Variants in NUDCD1 observed in about 807,000 individuals in gnomAD.
NUDCD1 encodes the protein nudC domain-containing protein 1.
In NUDCD1, 60 loss-of-function variants were observed where a neutral mutation model predicts 67.8. The observed-to-expected ratio is 0.88, with a 90% CI of 0.72 to 1.10. The LOEUF (loss-of-function observed/expected upper bound fraction) is 1.10, where lower values mean the gene tolerates loss of function less well. Ranked by LOEUF, NUDCD1 falls within the 50% of genes least tolerant of loss-of-function variation. The pLI, the probability that NUDCD1 is intolerant of heterozygous loss-of-function variation, is 0.00. For missense variants in NUDCD1, 643 were observed against 695.0 expected (o/e 0.93, Z 0.84); for synonymous variants, 244 against 230.8 (o/e 1.06, Z -0.52).
At chr8:109,245,705 G>T (rs920391736) in intron 8 of NUDCD1, among the ~76,000 whole-genome samples, 6 of 152,258 alleles carry the variant, frequency 3.9e-5, no homozygotes, top group Admixed American at 3.9e-4. Context: ...GTAACTTGTC[G>T]ATGGTCAGCC....
chr8:109,316,795 G>A (rs1009423763), intron 2 of NUDCD1, among the ~76,000 whole-genome samples: 1 of 152,190 alleles, frequency 6.6e-6, no homozygotes, highest in African/African-American at 2.4e-5. Context: ...CAGGTTCCCA[G>A]TCCATGACCA....
intron 9 of NUDCD1, 62 bp from the exon 10 acceptor site, chr8:109,243,363 T>A: frequency 7.7e-7 from 1 of 1,306,662 alleles, no homozygotes; most frequent in Non-Finnish European, 1.1e-6. Flanking sequence ...GGAAAAATGA[T>A]GATTTAACAT....
At chr8:109,311,872 A>T (rs1378610018) in intron 2 of NUDCD1, among the ~76,000 whole-genome samples, 1 of 152,094 alleles carries the variant, frequency 6.6e-6, no homozygotes, top group African/African-American at 2.4e-5. Flanking sequence ...AAAATCTCAC[A>T]AATCACCGTT....
chr8:109,276,625 A>G (rs1248016666), intron 6 of NUDCD1, among the ~76,000 whole-genome samples: 1 of 152,162 alleles, frequency 6.6e-6, no homozygotes, highest in African/African-American at 2.4e-5. Flanking sequence ...TAGCACTGAA[A>G]ATTACTCCCA....
rs1397144179 is a variant in NUDCD1, at chr8:109,242,403, G to A, written c.*606C>T. 2.9e-6 allele frequency: 1 copy of A among 341,878 alleles called. No individual in the cohort carries two copies. Among genetic ancestry groups the A allele is most frequent in the Non-Finnish European group, 5.2e-6 (1 of 191,228 alleles). 21.2% of individuals were successfully genotyped at this position (341,878 alleles called of 1,614,324 possible). A position where few individuals can be genotyped will look rare whatever the true frequency, so the allele number is the denominator to read the frequency against. ...GTTTTGGTGTGGTTTGTTATGCAGT[G>A]ATGGATAATGTGAAATCTTATCTCT... is the stretch of plus-strand genomic sequence containing the variant. On this transcript the variant is annotated 3_prime_UTR_variant, in exon 10 of 10. Coordinates refer to ENST00000239690, the MANE Select transcript of NUDCD1 (RefSeq NM_032869.4).
chr8:109,254,511 A>G (rs1813685436), intron 8 of NUDCD1, among the ~76,000 whole-genome samples: 2 of 152,080 alleles, frequency 1.3e-5, no homozygotes, highest in South Asian at 4.1e-4. Flanking sequence ...ATAAAAACCA[A>G]CTCTAAACTC....
At chr8:109,272,864 C>T (rs1425943262) in intron 7 of NUDCD1, among the ~76,000 whole-genome samples, 4 of 152,130 alleles carry the variant, frequency 2.6e-5, no homozygotes, top group East Asian at 3.9e-4. Flanking sequence ...GTAAAGGCAC[C>T]GCCAACAATC....
intron 2 of NUDCD1, among the ~76,000 whole-genome samples, chr8:109,301,290 G>C (rs755091810): frequency 1.3e-5 from 2 of 151,930 alleles, no homozygotes; most frequent in Non-Finnish European, 2.9e-5. Flanking sequence ...TTCTCCCCCC[G>C]CCCTTAAGAA....
chr8:109,263,109 G>A (rs1186112580), intron 8 of NUDCD1, among the ~76,000 whole-genome samples: 2 of 134,698 alleles, frequency 1.5e-5, no homozygotes, highest in Admixed American at 8.1e-5. Context: ...TCTCTAGAAC[G>A]CACCTTCATT....
chr8:109,266,611 C>A (rs566989293), intron 8 of NUDCD1, among the ~76,000 whole-genome samples: 1 of 151,950 alleles, frequency 6.6e-6, no homozygotes, highest in Non-Finnish European at 1.5e-5. Context: ...TATATTTATA[C>A]CACATTTCAA....
intron 5 of NUDCD1, among the ~76,000 whole-genome samples, chr8:109,283,999 A>C (rs1475279512): frequency 2.0e-5 from 3 of 150,798 alleles, no homozygotes; most frequent in Non-Finnish European, 3.0e-5. Context: ...TAAAAAAAAA[A>C]AAAAAAAACA....
intron 2 of NUDCD1, among the ~76,000 whole-genome samples, chr8:109,321,115 G>T (rs1815523310): frequency 6.6e-6 from 1 of 152,142 alleles, no homozygotes; most frequent in African/African-American, 2.4e-5. Context: ...AATATTAAAA[G>T]AATTTTAGCA....
At chr8:109,325,960 G>C (rs1586314383) in intron 1 of NUDCD1, among the ~76,000 whole-genome samples, 1 of 152,144 alleles carries the variant, frequency 6.6e-6, no homozygotes, top group Non-Finnish European at 1.5e-5. Context: ...AGAGGTTGAG[G>C]AAACATATAA....
intron 2 of NUDCD1, among the ~76,000 whole-genome samples, chr8:109,305,226 C>T (rs1022768494): frequency 1.3e-5 from 2 of 152,212 alleles, no homozygotes; most frequent in Non-Finnish European, 2.9e-5. Context: ...AACTAAAATA[C>T]CTCTTGGTCT....
intron 8 of NUDCD1, among the ~76,000 whole-genome samples, chr8:109,247,325 C>A (rs1461284640): frequency 6.6e-6 from 1 of 152,040 alleles, no homozygotes; most frequent in Non-Finnish European, 1.5e-5. Context: ...CTTTCATGAG[C>A]CAAGTGCCTA....
chr8:109,269,576 T>C (rs1455097641), intron 8 of NUDCD1, among the ~76,000 whole-genome samples: 1 of 152,176 alleles, frequency 6.6e-6, no homozygotes, highest in Non-Finnish European at 1.5e-5. Context: ...TGAATTCTGC[T>C]AGAATACACT....
intron 3 of NUDCD1, among the ~76,000 whole-genome samples, chr8:109,294,964 C>T (rs958573218): frequency 2.0e-5 from 3 of 151,978 alleles, no homozygotes; most frequent in African/African-American, 7.2e-5. Context: ...TCAATTAATC[C>T]CCAAGTCTCC....
At position 109,333,972 on chromosome 8, in the gene NUDCD1, T is replaced by C. The variant is rs200931083; in HGVS notation, c.39A>G (p.Arg13=). ...CCTCGAAGCGGGGATCCAACAGAGG[T>C]CTCTTCACCCGTAGGGAGCAATTAG... The part of the protein sequence containing the change: ...VAANCSLRVK[R]PLLDPRFEGY... Residue 13 remains arginine (R), a synonymous_variant, in exon 1 of 10, where the codon AGA becomes AGG. Transcript: ENST00000239690. The C allele has an allele frequency of 7.3e-5, 118 of 1,613,758 alleles. No homozygotes were observed. Among genetic ancestry groups the C allele is most frequent in the Non-Finnish European group, 9.6e-5 (113 of 1,179,852 alleles).
chr8:109,280,484 T>C (rs1026211124), intron 6 of NUDCD1, among the ~76,000 whole-genome samples: 1 of 152,184 alleles, frequency 6.6e-6, no homozygotes, highest in Non-Finnish European at 1.5e-5. Context: ...GGAAAAAGTA[T>C]GTGTCATGCT....
Sources: allele counts gnomAD v4.1 joint callset (sites outside exome capture counted in the v4.1 genomes callset), GRCh38; gene constraint gnomAD v4.1.1; transcripts MANE v1.5; gene names NCBI Gene and HGNC (gene_info 2026-07-23, HGNC 2026-07-21).